Variants in IFT81 observed in about 807,000 individuals in gnomAD.
IFT81 encodes the protein intraflagellar transport 81, also known as intraflagellar transport protein 81 homolog.
In IFT81, 72 loss-of-function variants were observed where a neutral mutation model predicts 102.6. That is an observed-to-expected ratio of 0.70 (90% CI 0.58 to 0.85). IFT81 has a LOEUF of 0.85. Ranked by LOEUF, IFT81 falls within the 40% of genes least tolerant of loss-of-function variation. The pLI, the probability that IFT81 is intolerant of heterozygous loss-of-function variation, is 0.00. For synonymous variants in IFT81, 237 were observed against 242.7 expected (o/e 0.98, Z 0.22); for missense variants, 723 against 787.3 (o/e 0.92, Z 0.98).
intron 1 of IFT81, 26 bp downstream of exon 1, chr12:110,124,887 G>T (rs994670798): frequency 6.6e-6 from 1 of 152,268 alleles, no homozygotes; most frequent in Non-Finnish European, 1.5e-5. Flanking sequence ...TTAGCGCGGC[G>T]ACTTCGCGCT....
At chr12:110,158,477 C>T (rs1032983768) in intron 10 of IFT81, among the ~76,000 whole-genome samples, 1 of 151,720 alleles carries the variant, frequency 6.6e-6, no homozygotes, top group Non-Finnish European at 1.5e-5. Context: ...CTTAAGGGAT[C>T]CTTCTGCCTT....
intron 14 of IFT81, among the ~76,000 whole-genome samples, chr12:110,193,717 C>T (rs1207561628): frequency 6.6e-6 from 1 of 152,154 alleles, no homozygotes; most frequent in Non-Finnish European, 1.5e-5. Context: ...TAATGGACAA[C>T]CCTGAACTAT....
chr12:110,203,849 C>A lies in IFT81; in HGVS notation c.1558-15C>A. The A allele has an allele frequency of 6.4e-7, 1 of 1,563,810 alleles. No homozygotes were observed. The highest frequency in any genetic ancestry group is 8.8e-7 in the Non-Finnish European group (1 of 1,134,604). On this transcript the variant is annotated splice_polypyrimidine_tract_variant and intron_variant, in intron 14 of 18. Coordinates refer to ENST00000242591, the MANE Select transcript of IFT81 (RefSeq NM_014055.4). The stretch of plus-strand genomic sequence containing the variant: ...TGTTTTTCACTTATTCAATCATTTT[C>A]CCTTTTTATACTAGGAACTGACCCA...
At chr12:110,200,678 G>A (rs1421434878) in intron 14 of IFT81, among the ~76,000 whole-genome samples, 2 of 147,072 alleles carry the variant, frequency 1.4e-5, no homozygotes, top group African/African-American at 2.7e-5. Flanking sequence ...GGCCGGGCAC[G>A]GTGGCTCACG....
chr12:110,138,758 A>G (rs1432475623), intron 8 of IFT81, among the ~76,000 whole-genome samples: 1 of 152,162 alleles, frequency 6.6e-6, no homozygotes, highest in Non-Finnish European at 1.5e-5. Context: ...TATACTCCAC[A>G]CATTTGTGAG....
intron 18 of IFT81, among the ~76,000 whole-genome samples, chr12:110,210,995 A>G (rs1387889004): frequency 7.0e-6 from 1 of 143,276 alleles, no homozygotes; most frequent in African/African-American, 2.6e-5. Context: ...AGCTGGGACT[A>G]CAGGAGCATG....
At chr12:110,156,229 G>A (rs1001314420) in intron 10 of IFT81, among the ~76,000 whole-genome samples, 5 of 152,124 alleles carry the variant, frequency 3.3e-5, no homozygotes, top group Non-Finnish European at 7.4e-5. Flanking sequence ...TAAATGTATA[G>A]TCTCTTAAAT....
chr12:110,149,504 A>G (rs1230428604), intron 10 of IFT81, among the ~76,000 whole-genome samples: 1 of 152,204 alleles, frequency 6.6e-6, no homozygotes, highest in Non-Finnish European at 1.5e-5. Context: ...TCACAAGGAC[A>G]GAGGGCTTTC....
At chr12:110,211,179 T>C (rs113557494) in intron 18 of IFT81, among the ~76,000 whole-genome samples, 3,685 of 140,442 alleles carry the variant, frequency 0.026, 169 homozygotes, top group African/African-American at 0.1. Context: ...GGCTTTCTTT[T>C]TTTTTTTTTT....
At chr12:110,189,898 G>A (rs1897710800) in intron 12 of IFT81, among the ~76,000 whole-genome samples, 2 of 152,108 alleles carry the variant, frequency 1.3e-5, no homozygotes, top group South Asian at 4.1e-4. Context: ...GCATTATCTT[G>A]TTTGATCTGC....
intron 8 of IFT81, among the ~76,000 whole-genome samples, chr12:110,140,491 T>G (rs1284497190): frequency 6.6e-6 from 1 of 152,192 alleles, no homozygotes. Flanking sequence ...TTGCTAGAAT[T>G]AGAAACTTTT....
intron 18 of IFT81, among the ~76,000 whole-genome samples, chr12:110,214,571 G>A (rs1869853093): frequency 6.6e-6 from 1 of 152,090 alleles, no homozygotes; most frequent in South Asian, 2.1e-4. Context: ...AATGAAATCA[G>A]TGATTAGTAA....
At chr12:110,192,496 C>T (rs957641894) in intron 13 of IFT81, 121 bp from the exon 14 acceptor site, 4 of 557,740 alleles carry the variant, frequency 7.2e-6, no homozygotes, top group East Asian at 6.1e-5. Flanking sequence ...TTGTTTGGGA[C>T]TGAAGTAATT....
At chr12:110,149,335 G>A (rs1311881312) in intron 10 of IFT81, among the ~76,000 whole-genome samples, 1 of 152,186 alleles carries the variant, frequency 6.6e-6, no homozygotes, top group Non-Finnish European at 1.5e-5. Flanking sequence ...CTCTAGAGGA[G>A]GTATAGACAG....
intron 11 of IFT81, among the ~76,000 whole-genome samples, chr12:110,164,247 A>C (rs967319770): frequency 6.6e-6 from 1 of 152,182 alleles, no homozygotes; most frequent in Admixed American, 6.5e-5. Flanking sequence ...TCAGACTCAT[A>C]AGATTAGTGG....
chr12:110,188,169 A>G (rs1897623966), intron 12 of IFT81, among the ~76,000 whole-genome samples: 4 of 151,904 alleles, frequency 2.6e-5, no homozygotes, highest in Non-Finnish European at 5.9e-5. Context: ...TGTCTCTACT[A>G]AAAATACAAA....
At chr12:110,215,088 G>T (rs1202627781) in intron 18 of IFT81, among the ~76,000 whole-genome samples, 3 of 152,008 alleles carry the variant, frequency 2.0e-5, no homozygotes, top group African/African-American at 4.8e-5. Context: ...TGCATAGCTG[G>T]GTGGGCAGTA....
chr12:110,190,788 A>G, intron 12 of IFT81, 132 bp from the exon 13 acceptor site: 1 of 728,604 alleles, frequency 1.4e-6, no homozygotes, highest in Non-Finnish European at 2.0e-6. Flanking sequence ...AAGTCAATGA[A>G]GATTGTCCTT....
intron 7 of IFT81, among the ~76,000 whole-genome samples, chr12:110,136,238 T>C (rs1214070125): frequency 6.6e-6 from 1 of 152,258 alleles, no homozygotes; most frequent in Admixed American, 6.5e-5. Flanking sequence ...CTTTTACTTA[T>C]TAAAAATCTA....
Sources: gnomAD v4.1 joint callset for allele counts (sites outside exome capture counted in the v4.1 genomes callset) on GRCh38, gnomAD v4.1.1 for gene constraint, MANE v1.5 for transcripts, NCBI Gene and HGNC (gene_info 2026-07-23, HGNC 2026-07-21) for gene names.